The following TMEM135 variants were observed in gnomAD, a reference collection of about 807,000 sequenced individuals.
The protein encoded by TMEM135 is peroxisomal membrane protein 52.
TMEM135 carries 30 observed loss-of-function variants against 60.3 expected under a neutral mutation model. That is an observed-to-expected ratio of 0.50 (90% confidence interval 0.37 to 0.68). The LOEUF (loss-of-function observed/expected upper bound fraction) is 0.68. Ranked by LOEUF, TMEM135 falls within the 30% of genes least tolerant of loss-of-function variation. The pLI, the probability that TMEM135 is intolerant of heterozygous loss-of-function variation, is 0.00. For missense variants in TMEM135, 468 were observed against 548.8 expected (o/e 0.85, Z 1.47); for synonymous variants, 190 against 186.7 (o/e 1.02, Z -0.14).
chr11:87,040,719 C>G (rs759175714), intron 1 of TMEM135, among the ~76,000 whole-genome samples: 4 of 151,058 alleles, frequency 2.6e-5, no homozygotes, highest in African/African-American at 9.7e-5. Flanking sequence ...CTATCATTTA[C>G]CAGCTATTTG....
At chr11:87,176,178 A>G (rs968498460) in intron 5 of TMEM135, among the ~76,000 whole-genome samples, 4 of 152,102 alleles carry the variant, frequency 2.6e-5, no homozygotes, top group East Asian at 1.9e-4. Flanking sequence ...TTCCTTATCA[A>G]TGACTTGGTG....
At chr11:87,257,662 A>T (rs148959584) in intron 6 of TMEM135, among the ~76,000 whole-genome samples, 103 of 152,356 alleles carry the variant, frequency 6.8e-4, no homozygotes, top group African/African-American at 2.1e-3. Context: ...TTTATCAAAA[A>T]TGTCCAGAAT....
intron 4 of TMEM135, among the ~76,000 whole-genome samples, chr11:87,133,396 C>T (rs1460822838): frequency 6.6e-6 from 1 of 152,104 alleles, no homozygotes; most frequent in Non-Finnish European, 1.5e-5. Context: ...GGTAAGTCCT[C>T]CCCACCACTC....
intron 4 of TMEM135, among the ~76,000 whole-genome samples, chr11:87,144,178 T>A (rs1938341478): frequency 6.6e-6 from 1 of 152,114 alleles, no homozygotes; most frequent in Non-Finnish European, 1.5e-5. Flanking sequence ...AGCTGTAAAT[T>A]GTATTTGCTA....
intron 5 of TMEM135, among the ~76,000 whole-genome samples, chr11:87,230,872 T>A (rs1940874926): frequency 6.6e-6 from 1 of 151,946 alleles, no homozygotes; most frequent in African/African-American, 2.4e-5. Context: ...AAAATTAAAT[T>A]AATTTAAATT....
chr11:87,099,714 T>G lies in TMEM135; in HGVS notation c.396+8319T>G, dbSNP rs568491371. Among the ~76,000 whole-genome samples, 690 of 129,890 alleles carry G rather than the reference T, an allele frequency of 5.3e-3. 2 individuals carry two copies. Among genetic ancestry groups the G allele is most frequent in the Non-Finnish European group, 7.9e-3 (476 of 60,020 alleles). 85.2% of individuals were successfully genotyped at this position (129,890 alleles called of 152,430 possible). ...TTTTTTTTTTTTTTGAGGCAGAGTT[T>G]TACTGTCATCCAGGTTGGAGTGCAG... On this transcript the variant is annotated intron_variant, in intron 4 of 14. Transcript: ENST00000305494.
At chr11:87,114,701 T>G (rs943748015) in intron 4 of TMEM135, among the ~76,000 whole-genome samples, 10 of 152,224 alleles carry the variant, frequency 6.6e-5, no homozygotes, top group African/African-American at 2.4e-4. Flanking sequence ...AAAAATGGAC[T>G]ACATTATAAC....
intron 5 of TMEM135, among the ~76,000 whole-genome samples, chr11:87,183,441 A>G (rs528574059): frequency 3.2e-4 from 49 of 151,972 alleles, no homozygotes; most frequent in African/African-American, 1.1e-3. Flanking sequence ...ACACCTGGCT[A>G]TCACTAAAAT....
At chr11:87,072,504 C>G (rs1856790477) in intron 3 of TMEM135, among the ~76,000 whole-genome samples, 1 of 152,038 alleles carries the variant, frequency 6.6e-6, no homozygotes, top group Admixed American at 6.5e-5. Context: ...TCTTAGCCTC[C>G]CGAGTAGCTG....
chr11:87,212,077 T>G (rs1940383680), intron 5 of TMEM135, among the ~76,000 whole-genome samples: 1 of 152,240 alleles, frequency 6.6e-6, no homozygotes, highest in Admixed American at 6.5e-5. Context: ...GAGGAGATAT[T>G]GTACATCTGT....
At chr11:87,060,103 ACT>A (rs1949932168) in intron 1 of TMEM135, among the ~76,000 whole-genome samples, 1 of 152,068 alleles carries the variant, frequency 6.6e-6, no homozygotes, top group Non-Finnish European at 1.5e-5. Context: ...ACAGAGCATG[ACT>A]CTGAATAAAA....
At chr11:87,305,908 A>G (rs1469411918) in intron 8 of TMEM135, 28 bp from the exon 9 acceptor site, 3 of 1,573,610 alleles carry the variant, frequency 1.9e-6, no homozygotes, top group Non-Finnish European at 2.6e-6. Flanking sequence ...AATTATAATT[A>G]GTTTAATTTT....
Position 87,321,526 on chromosome 11 carries a change from T to G in TMEM135, c.*193T>G, listed in dbSNP as rs1419936658. The G allele has an allele frequency of 5.7e-6, 4 of 701,508 alleles. No homozygotes were observed. In the South Asian group the frequency reaches 6.0e-5, roughly 10 times the overall value. 43.5% of individuals were successfully genotyped at this position (701,508 alleles called of 1,614,324 possible). ...GAAGATGTTGCTTAATAATTAAGCT[T>G]CCTCCATAGCCAGAATAAGATTCTG... On this transcript the variant is annotated 3_prime_UTR_variant, in exon 15 of 15. Transcript: ENST00000305494.
rs1284181226 is a variant in TMEM135, at chr11:87,325,319, C to G, written c.*3986C>G. On this transcript the variant is annotated 3_prime_UTR_variant, in exon 15 of 15. Coordinates refer to ENST00000305494, the MANE Select transcript of TMEM135 (RefSeq NM_022918.4). ...GGGCAGTAAGTTGGCCATGATATAG[C>G]TAGTGTCATAGGACTACAGCAGAGT... 2.2e-6 allele frequency: 1 copy of G among 453,962 alleles called. No homozygotes were observed. The highest frequency in any genetic ancestry group is 4.4e-6 in the Non-Finnish European group (1 of 226,790). 28.1% of individuals were successfully genotyped at this position (453,962 alleles called of 1,614,324 possible). A position where few individuals can be genotyped will look rare whatever the true frequency, so the allele number is the denominator to read the frequency against.
intron 4 of TMEM135, among the ~76,000 whole-genome samples, chr11:87,129,544 A>ATTT (rs371919827): frequency 0.34 from 43,046 of 125,564 alleles, 9,861 homozygotes; most frequent in East Asian, 0.59. Context: ...TGCTTGGCCA[A>ATTT]TTTTTTTTTT....
chr11:87,122,463 A>ATTTATTAT (rs369588006), intron 4 of TMEM135, among the ~76,000 whole-genome samples: 1 of 74,766 alleles, frequency 1.3e-5, no homozygotes, highest in African/African-American at 1.3e-4. Context: ...TTATTTATTT[A>ATTTATTAT]TTATTTATTT....
chr11:87,193,778 A>G (rs1224717142), intron 5 of TMEM135, among the ~76,000 whole-genome samples: 3 of 143,454 alleles, frequency 2.1e-5, no homozygotes, highest in South Asian at 4.4e-4. Flanking sequence ...TATATTATAT[A>G]TTATATAAAC....
chr11:87,172,602 A>G lies in TMEM135; in HGVS notation c.462+15196A>G, dbSNP rs1297407385. ...TAGGGACTCTTTGTTAGGGATTTCT[A>G]TTTCTTAAAGTTTAACACCTGGCTG... On this transcript the variant is annotated intron_variant, in intron 5 of 14. Transcript: ENST00000305494. Among the ~76,000 whole-genome samples, 7 of 152,088 alleles carry G rather than the reference A, an allele frequency of 4.6e-5. No homozygotes were observed. In the East Asian group the frequency reaches 5.8e-4, roughly 13 times the overall value.
chr11:87,146,169 A>G (rs534558403), intron 4 of TMEM135, among the ~76,000 whole-genome samples: 56 of 152,302 alleles, frequency 3.7e-4, no homozygotes, highest in Admixed American at 9.1e-4. Context: ...TGACAGCACT[A>G]TTTATTGAAG....
Sources: gnomAD v4.1 joint callset for allele counts (sites outside exome capture counted in the v4.1 genomes callset) on GRCh38, gnomAD v4.1.1 for gene constraint, MANE v1.5 for transcripts, NCBI Gene and HGNC (gene_info 2026-07-23, HGNC 2026-07-21) for gene names.